The following ITCH variants were observed in gnomAD, a reference collection of about 807,000 sequenced individuals.
The protein encoded by ITCH is itchy E3 ubiquitin protein ligase, also known as E3 ubiquitin-protein ligase Itchy homolog.
In ITCH, 28 loss-of-function variants were observed where a neutral mutation model predicts 126.8. The ratio of observed to expected loss-of-function variants is 0.22; its 90% CI spans 0.16 to 0.30. ITCH has a LOEUF of 0.30. Among genes scored for constraint, ITCH ranks in the 10% least tolerant of loss-of-function variants. The pLI is 1.00. For synonymous variants in ITCH, 342 were observed against 340.0 expected (o/e 1.01, Z -0.06); for missense variants, 631 against 1,032.4 (o/e 0.61, Z 5.33).
chr20:34,388,384 CTTTCT>C (rs943852599), intron 2 of ITCH, among the ~76,000 whole-genome samples: 7 of 151,784 alleles, frequency 4.6e-5, no homozygotes, highest in Admixed American at 1.3e-4. Context: ...CTTTTCTTTT[CTTTCT>C]TTTCTTTTTT....
At chr20:34,495,357 A>G (rs899721978) in intron 23 of ITCH, among the ~76,000 whole-genome samples, 1 of 150,560 alleles carries the variant, frequency 6.6e-6, no homozygotes, top group African/African-American at 2.4e-5. Flanking sequence ...TGTTGATTAT[A>G]GTCATTGTAT....
intron 3 of ITCH, among the ~76,000 whole-genome samples, chr20:34,406,465 T>A (rs1354828353): frequency 6.6e-6 from 1 of 152,038 alleles, no homozygotes; most frequent in Non-Finnish European, 1.5e-5. Flanking sequence ...AGTCAGAGTT[T>A]CAGGGCCACC....
At chr20:34,417,475 C>T (rs1375401462) in intron 6 of ITCH, among the ~76,000 whole-genome samples, 6 of 149,668 alleles carry the variant, frequency 4.0e-5, no homozygotes, top group Non-Finnish European at 8.9e-5. Context: ...TCTCGGCTCA[C>T]TACAACCTCT....
intron 4 of ITCH, 129 bp downstream of exon 4, chr20:34,408,921 T>C (rs78768202): frequency 1.0e-6 from 1 of 997,534 alleles, no homozygotes. Flanking sequence ...TTTTTTTTTT[T>C]TTCTTTTTCC....
intron 3 of ITCH, among the ~76,000 whole-genome samples, chr20:34,401,060 A>G (rs2038868043): frequency 6.6e-6 from 1 of 151,938 alleles, no homozygotes; most frequent in Admixed American, 6.6e-5. Context: ...TTCCCAGCCA[A>G]TTTTTAAATT....
intron 23 of ITCH, 63 bp downstream of exon 23, chr20:34,492,660 G>A: frequency 1.0e-6 from 1 of 1,002,596 alleles, no homozygotes; most frequent in Non-Finnish European, 1.6e-6. Flanking sequence ...TTACGTAAAT[G>A]TGTATACAGC....
intron 1 of ITCH, among the ~76,000 whole-genome samples, chr20:34,364,982 G>C (rs565315636): frequency 2.0e-5 from 3 of 150,438 alleles, no homozygotes; most frequent in Admixed American, 6.6e-5. Context: ...GGCGGATTAC[G>C]TGAGCCCAGG....
intron 23 of ITCH, among the ~76,000 whole-genome samples, chr20:34,501,688 T>C (rs1990254621): frequency 6.6e-6 from 1 of 150,660 alleles, no homozygotes; most frequent in Non-Finnish European, 1.5e-5. Flanking sequence ...GGCAGGAGAA[T>C]CGCTTGAACC....
chr20:34,450,422 A>C (rs984998588), intron 12 of ITCH, among the ~76,000 whole-genome samples: 2 of 152,198 alleles, frequency 1.3e-5, no homozygotes, highest in Non-Finnish European at 2.9e-5. Context: ...CATGCCCTAC[A>C]CCATGGAGCT....
At chr20:34,423,488 C>T (rs1390523238) in intron 6 of ITCH, among the ~76,000 whole-genome samples, 27 of 152,064 alleles carry the variant, frequency 1.8e-4, no homozygotes, top group Non-Finnish European at 1.3e-4. Flanking sequence ...CTAAATGGAC[C>T]TAGGTGGTCG....
intron 1 of ITCH, 113 bp from the exon 2 acceptor site, chr20:34,369,281 C>T (rs1163829190): frequency 1.0e-5 from 4 of 382,810 alleles, no homozygotes; most frequent in Non-Finnish European, 1.9e-5. Flanking sequence ...TGGAGTGAGC[C>T]AATATCATGC....
chr20:34,486,120 G>A (rs897366028), intron 20 of ITCH, among the ~76,000 whole-genome samples: 2 of 151,864 alleles, frequency 1.3e-5, no homozygotes, highest in African/African-American at 2.4e-5. Flanking sequence ...GCTCCAGATA[G>A]CCTCCCACCT....
rs1988576080 is a variant in ITCH at position 34,479,935 on chromosome 20, G to A, written c.1818+146G>A. Reference sequence around the variant, plus strand: ...TATTTTTGAGACAGAGTCTTGCTCTGTCACCCAGGCTGGAGTACAGTGACA... The same window carrying A: ...TATTTTTGAGACAGAGTCTTGCTCTATCACCCAGGCTGGAGTACAGTGACA... On this transcript the variant is annotated intron_variant, in intron 18 of 24. Coordinates refer to ENST00000374864, the MANE Select transcript of ITCH (RefSeq NM_031483.7). 6 of 750,850 alleles carry A rather than the reference G, an allele frequency of 8.0e-6. No homozygotes were observed. In the East Asian group the frequency reaches 1.4e-4, roughly 17 times the overall value. The allele number at this position is 750,850 out of a possible 1,614,324, so 46.5% of individuals were successfully genotyped here.
At chr20:34,483,457 C>G (rs1441222103) in intron 20 of ITCH, among the ~76,000 whole-genome samples, 2 of 152,142 alleles carry the variant, frequency 1.3e-5, no homozygotes, top group Admixed American at 6.6e-5. Flanking sequence ...CTCTCAAGTA[C>G]AATCGTCTCT....
chr20:34,451,160 C>G (rs1052455272), intron 12 of ITCH, among the ~76,000 whole-genome samples: 2 of 151,868 alleles, frequency 1.3e-5, no homozygotes, highest in African/African-American at 4.8e-5. Context: ...CTTGGTGGCC[C>G]GTGCCTGTAA....
chr20:34,470,407 G>T (rs1181047396), intron 15 of ITCH, among the ~76,000 whole-genome samples: 1 of 147,552 alleles, frequency 6.8e-6, no homozygotes, highest in African/African-American at 2.5e-5. Flanking sequence ...ACATATTGAG[G>T]CCTTACCTCT....
intron 11 of ITCH, among the ~76,000 whole-genome samples, chr20:34,445,716 T>TA (rs372024253): frequency 2.0e-5 from 3 of 152,278 alleles, no homozygotes; most frequent in African/African-American, 7.2e-5. Context: ...TAGGACAACT[T>TA]AAAATTCATG....
At chr20:34,385,216 TG>T (rs2038233623) in intron 2 of ITCH, among the ~76,000 whole-genome samples, 1,566 of 136,062 alleles carry the variant, frequency 0.012, 44 homozygotes, top group African/African-American at 0.044. Flanking sequence ...TGTGTGTGTG[TG>T]TGTGGTTTTT....
At chr20:34,507,632 C>T in intron 24 of ITCH, 63 bp from the exon 25 acceptor site, 1 of 1,195,022 alleles carries the variant, frequency 8.4e-7, no homozygotes, top group Non-Finnish European at 1.2e-6. Flanking sequence ...AAGTAGTATA[C>T]TACACTACTC....
Sources: gnomAD v4.1 joint callset for allele counts (sites outside exome capture counted in the v4.1 genomes callset) on GRCh38, gnomAD v4.1.1 for gene constraint, MANE v1.5 for transcripts, NCBI Gene and HGNC (gene_info 2026-07-23, HGNC 2026-07-21) for gene names.